Variants in KAT6B observed in about 807,000 individuals in gnomAD.
KAT6B encodes the protein histone acetyltransferase KAT6B.
In KAT6B, 10 loss-of-function variants were observed where a neutral mutation model predicts 187.5. That is an observed-to-expected ratio of 0.05 (90% CI 0.03 to 0.09). The LOEUF (loss-of-function observed/expected upper bound fraction) is 0.09, where lower values mean the gene tolerates loss of function less well. Among genes scored for constraint, KAT6B ranks in the 10% least tolerant of loss-of-function variants. KAT6B has a pLI of 1.00. For missense variants in KAT6B, 1,952 were observed against 2,558.9 expected (o/e 0.76, Z 5.12); for synonymous variants, 861 against 926.8 (o/e 0.93, Z 1.29).
intron 3 of KAT6B, among the ~76,000 whole-genome samples, chr10:74,883,877 T>C (rs981511804): frequency 2.0e-5 from 3 of 152,212 alleles, no homozygotes; most frequent in Admixed American, 6.5e-5. Flanking sequence ...GAAAAACTTT[T>C]CTATTGAGGT....
intron 3 of KAT6B, among the ~76,000 whole-genome samples, chr10:74,939,877 A>G (rs567915173): frequency 1.9e-4 from 29 of 152,366 alleles, no homozygotes; most frequent in African/African-American, 6.7e-4. Context: ...AGTTTATCCT[A>G]TAGATGTATT....
chr10:74,979,333 A>C lies in KAT6B; in HGVS notation c.2225A>C (p.Tyr742Ser). 6.3e-7 allele frequency: 1 copy of C among 1,590,756 alleles called. No homozygotes were observed. The highest frequency in any genetic ancestry group is 1.7e-5 in the Admixed American group (1 of 59,980). The change falls in exon 10 of 18, where the codon TAT (tyrosine) becomes TCT (serine). Residue 742 changes from tyrosine to serine, a missense_variant. Coordinates refer to ENST00000287239, the MANE Select transcript of KAT6B (RefSeq NM_012330.4). ...TWYSSPYPQE[Y>S]ARLPKLYLCE... ...TACTCCTCGCCTTACCCACAGGAAT[A>C]TGCAAGGTAATGGAATAAGTCTGGC...
In KAT6B at chr10:74,972,488, C is replaced by CAT; in HGVS notation, c.929-10_929-9dup. On this transcript the variant is annotated intron_variant, in intron 6 of 17. Coordinates refer to ENST00000287239, the MANE Select transcript of KAT6B (RefSeq NM_012330.4). ...AAATGAAACATTAAAATATTTTTCT[C>CAT]ATATATATATTAATTCAGGGATGTG... The CAT allele has an allele frequency of 1.2e-5, 18 of 1,512,756 alleles. No homozygotes were observed. The highest frequency in any genetic ancestry group is 2.4e-5 in the South Asian group (2 of 83,994). The allele number at this position is 1,512,756 out of a possible 1,614,324, so 93.7% of individuals were successfully genotyped here.
chr10:74,938,599 A>G (rs1314861435), intron 3 of KAT6B, among the ~76,000 whole-genome samples: 1 of 152,196 alleles, frequency 6.6e-6, no homozygotes, highest in African/African-American at 2.4e-5. Context: ...CTTTGTTGTG[A>G]CACTGAATAT....
intron 8 of KAT6B, chr10:74,976,694 T>TC: frequency 2.8e-6 from 1 of 356,694 alleles, no homozygotes; most frequent in South Asian, 2.4e-5. Context: ...ACAGCGCTGT[T>TC]CAGTTGTGTG....
In KAT6B at chr10:74,915,627, G is replaced by A. The variant is rs1016863961; in HGVS notation, c.622-44343G>A. Among the ~76,000 whole-genome samples, 5 of 152,304 alleles carry A rather than the reference G, an allele frequency of 3.3e-5. No individual in the cohort carries two copies. In the South Asian group the frequency reaches 1.0e-3, roughly 32 times the overall value. On this transcript the variant is annotated intron_variant, in intron 3 of 17. Coordinates refer to ENST00000287239, the MANE Select transcript of KAT6B (RefSeq NM_012330.4). Reference sequence around the variant, plus strand: ...ATCCCCAACACTACCACAGTGCCTGGTGCATGTTAAATTGCAGTTAATATT... The same window carrying A: ...ATCCCCAACACTACCACAGTGCCTGATGCATGTTAAATTGCAGTTAATATT...
chr10:74,845,958 G>T (rs543286810), intron 3 of KAT6B, among the ~76,000 whole-genome samples: 2 of 151,556 alleles, frequency 1.3e-5, no homozygotes, highest in African/African-American at 4.8e-5. Context: ...CCACCTCCCG[G>T]GTTCAAGTGA....
intron 3 of KAT6B, among the ~76,000 whole-genome samples, chr10:74,894,122 G>T (rs1038417878): frequency 3.3e-5 from 5 of 151,822 alleles, no homozygotes; most frequent in Admixed American, 2.0e-4. Context: ...TCCCTCTGTC[G>T]CCCAGGCTGG....
chr10:74,863,846 A>G (rs1843363901), intron 3 of KAT6B, among the ~76,000 whole-genome samples: 1 of 152,286 alleles, frequency 6.6e-6, no homozygotes, highest in Non-Finnish European at 1.5e-5. Context: ...GAGGTCTGTA[A>G]TATTCTTACG....
chr10:75,029,297 G>T lies in KAT6B; in HGVS notation c.4473G>T (p.Glu1491Asp). The change falls in exon 18 of 18, where the codon GAG becomes GAT. Residue 1491 changes from glutamate (E) to aspartate (D), a missense_variant. By Grantham distance (45) the Glu-to-Asp change is conservative. Around this residue, in one of 9 missense-constraint regions of KAT6B, gnomAD observed 758 missense variants for 891.4 expected, o/e 0.85. Coordinates refer to ENST00000287239, the MANE Select transcript of KAT6B (RefSeq NM_012330.4). This position sits in a 1 kb window ranked among gnomAD's most constrained non-coding sequence, Gnocchi z 6.2. Reference sequence around the variant, plus strand: ...CTTCTTGTAACAGTGAGCCCAAGGAGCTTGCTGGGGACCCTGAAGCTGTAC... The same window carrying T: ...CTTCTTGTAACAGTGAGCCCAAGGATCTTGCTGGGGACCCTGAAGCTGTAC... ...LTASCNSEPK[E>D]LAGDPEAVPE... 1 of 1,614,152 alleles carries T rather than the reference G, an allele frequency of 6.2e-7. No homozygotes were observed. Among genetic ancestry groups the T allele is most frequent in the South Asian group, 1.1e-5 (1 of 91,066 alleles).
intron 3 of KAT6B, among the ~76,000 whole-genome samples, chr10:74,882,991 A>G (rs1844965222): frequency 6.6e-6 from 1 of 152,204 alleles, no homozygotes. Context: ...AATAGTATAT[A>G]TATATGGGAA....
Position 75,021,261 on chromosome 10 carries a change from A to G in KAT6B, c.2997A>G (p.Glu999=), listed in dbSNP as rs974723472. 5.0e-6 allele frequency: 8 copies of G among 1,614,068 alleles called. No homozygotes were observed. The highest frequency in any genetic ancestry group is 3.3e-5 in the Admixed American group (2 of 60,010). The part of the protein sequence containing the change: ...PILISNAAVS[E]EEREAEKEAE... Reference sequence around the variant, plus strand: ...TAATTTCTAATGCTGCAGTGTCTGAAGAAGAGCGAGAAGCTGAGAAAGAGG... The same window carrying G: ...TAATTTCTAATGCTGCAGTGTCTGAGGAAGAGCGAGAAGCTGAGAAAGAGG... Residue 999 remains glutamate (E), a synonymous_variant, in exon 15 of 18, where the codon GAA becomes GAG. Coordinates refer to ENST00000287239, the MANE Select transcript of KAT6B (RefSeq NM_012330.4).
chr10:74,912,567 A>G (rs964716229), intron 3 of KAT6B, among the ~76,000 whole-genome samples: 1 of 152,144 alleles, frequency 6.6e-6, no homozygotes, highest in Non-Finnish European at 1.5e-5. Flanking sequence ...TGTATTGTAG[A>G]AAGCTTATTT....
intron 17 of KAT6B, among the ~76,000 whole-genome samples, chr10:75,026,832 G>A (rs1223427446): frequency 3.3e-5 from 5 of 152,198 alleles, no homozygotes; most frequent in East Asian, 1.9e-4. Flanking sequence ...CCAGTAGCAC[G>A]TAGAATAAGA....
chr10:74,870,910 C>T (rs1427362121), intron 3 of KAT6B, among the ~76,000 whole-genome samples: 1 of 140,912 alleles, frequency 7.1e-6, no homozygotes, highest in Non-Finnish European at 1.5e-5. Context: ...TGGAGTCTTA[C>T]TCTGTCACCC....
At chr10:75,024,542 T>G (rs994043874) in intron 16 of KAT6B, among the ~76,000 whole-genome samples, 4 of 152,244 alleles carry the variant, frequency 2.6e-5, no homozygotes, top group African/African-American at 9.6e-5. Context: ...TCTCAAGTAT[T>G]AAATGGGTTA....
At chr10:74,913,097 G>C (rs1047828397) in intron 3 of KAT6B, among the ~76,000 whole-genome samples, 2 of 152,206 alleles carry the variant, frequency 1.3e-5, no homozygotes, top group Admixed American at 6.5e-5. Flanking sequence ...AGTTGGAGGG[G>C]AAGATTTGCT....
intron 13 of KAT6B, among the ~76,000 whole-genome samples, chr10:74,996,131 G>A (rs958178292): frequency 1.3e-5 from 2 of 152,308 alleles, no homozygotes; most frequent in African/African-American, 4.8e-5. Flanking sequence ...AGGAAGATGC[G>A]AAGAGTCATG....
chr10:74,929,424 T>C (rs1180278915), intron 3 of KAT6B, among the ~76,000 whole-genome samples: 1 of 152,234 alleles, frequency 6.6e-6, no homozygotes, highest in East Asian at 1.9e-4. Flanking sequence ...GAACATAAAG[T>C]ATTTAAAAAA....
Sources: gnomAD v4.1 joint callset for allele counts (sites outside exome capture counted in the v4.1 genomes callset) on GRCh38, gnomAD v4.1.1 for gene constraint, gnomAD v4.1.1 regional missense constraint, Gnocchi (gnomAD v3.1) non-coding constraint, MANE v1.5 for transcripts, NCBI Gene and HGNC (gene_info 2026-07-23, HGNC 2026-07-21) for gene names.